CDH12: variants seen among roughly 807,000 people sequenced by gnomAD.
CDH12 encodes cadherin 12, also known as cadherin-12.
A neutral mutation model predicts 74.1 loss-of-function variants in CDH12; 41 were observed. The ratio of observed to expected loss-of-function variants is 0.55; its 90% CI spans 0.43 to 0.72. The LOEUF is 0.72. Ranked by LOEUF, CDH12 falls within the 30% of genes least tolerant of loss-of-function variation. CDH12 has a pLI of 0.00. For missense variants in CDH12, 945 were observed against 977.2 expected (o/e 0.97, Z 0.44); for synonymous variants, 399 against 355.0 (o/e 1.12, Z -1.39).
At chr5:22,666,591 T>C (rs1740637902) in intron 1 of CDH12, among the ~76,000 whole-genome samples, 1 of 151,866 alleles carries the variant, frequency 6.6e-6, no homozygotes, top group African/African-American at 2.4e-5. Context: ...CGCCCGGCCC[T>C]CTCTATCTTA....
At chr5:22,203,527 G>A (rs1751036841) in intron 4 of CDH12, among the ~76,000 whole-genome samples, 1 of 152,116 alleles carries the variant, frequency 6.6e-6, no homozygotes, top group African/African-American at 2.4e-5. Context: ...CCATATCTTG[G>A]CTGTTGTACA....
intron 3 of CDH12, among the ~76,000 whole-genome samples, chr5:22,296,992 CT>C (rs1282549784): frequency 3.2e-5 from 1 of 31,364 alleles, no homozygotes; most frequent in African/African-American, 8.0e-5. Context: ...TTCTTTCTTT[CT>C]TTTTTAATTG....
At chr5:22,809,061 A>G (rs1298832871) in intron 1 of CDH12, among the ~76,000 whole-genome samples, 2 of 151,982 alleles carry the variant, frequency 1.3e-5, no homozygotes, top group Non-Finnish European at 2.9e-5. Context: ...ATAATGTAAG[A>G]TAAATTATTC....
chr5:22,491,439 T>A (rs886351237), intron 2 of CDH12, among the ~76,000 whole-genome samples: 5 of 151,926 alleles, frequency 3.3e-5, no homozygotes, highest in African/African-American at 1.2e-4. Context: ...TGTTGTATGT[T>A]ACAAAAATTC....
At chr5:22,023,171 G>A (rs1738102120) in intron 5 of CDH12, among the ~76,000 whole-genome samples, 1 of 152,044 alleles carries the variant, frequency 6.6e-6, no homozygotes, top group African/African-American at 2.4e-5. Flanking sequence ...CAACCACACT[G>A]AGTATTCACA....
chr5:22,315,985 A>G (rs1738618321), intron 3 of CDH12, among the ~76,000 whole-genome samples: 1 of 151,982 alleles, frequency 6.6e-6, no homozygotes, highest in Non-Finnish European at 1.5e-5. Context: ...CAGCCAGCTA[A>G]CGGGAACGTT....
At chr5:22,554,599 A>G (rs1325452611) in intron 1 of CDH12, among the ~76,000 whole-genome samples, 1 of 152,078 alleles carries the variant, frequency 6.6e-6, no homozygotes, top group Non-Finnish European at 1.5e-5. Context: ...AATATCTAAA[A>G]CTACTGGTGA....
chr5:21,920,165 A>C (rs570461598), intron 6 of CDH12, among the ~76,000 whole-genome samples: 92 of 152,352 alleles, frequency 6.0e-4, no homozygotes, highest in Non-Finnish European at 1.1e-3. Flanking sequence ...ATAGAGACCA[A>C]CAATGCCCAG....
intron 5 of CDH12, among the ~76,000 whole-genome samples, chr5:22,010,655 G>C (rs1339407031): frequency 6.6e-6 from 1 of 152,090 alleles, no homozygotes; most frequent in East Asian, 1.9e-4. Context: ...TAAGGATACA[G>C]AATTGTCTGA....
chr5:22,145,800 A>G (rs1430096565), intron 4 of CDH12, among the ~76,000 whole-genome samples: 1 of 152,090 alleles, frequency 6.6e-6, no homozygotes, highest in Non-Finnish European at 1.5e-5. Context: ...GCACTGATGA[A>G]GGAGTGAATT....
intron 5 of CDH12, among the ~76,000 whole-genome samples, chr5:22,015,157 T>C (rs1271786484): frequency 2.0e-5 from 3 of 152,200 alleles, no homozygotes; most frequent in Non-Finnish European, 2.9e-5. Flanking sequence ...GTTGATTTTG[T>C]TTAATTAGGA....
intron 4 of CDH12, among the ~76,000 whole-genome samples, chr5:22,145,243 T>C (rs1278449732): frequency 6.6e-6 from 1 of 152,142 alleles, no homozygotes; most frequent in African/African-American, 2.4e-5. Context: ...TATATATCTG[T>C]GTATGTGTGC....
chr5:21,774,248 A>C (rs934075879), intron 11 of CDH12, among the ~76,000 whole-genome samples: 1 of 152,258 alleles, frequency 6.6e-6, no homozygotes, highest in East Asian at 1.9e-4. Context: ...ACGTGGAAGG[A>C]ATAAGCTCAC....
rs752096773 is a variant in CDH12, at chr5:22,287,339, G to GA, written c.-332-74697dup. ...ATACTATATTTGTTAAGGTAGCTCA[G>GA]AAAGAAGTTTAAATTTGATAATATA... is the stretch of plus-strand genomic sequence containing the variant. On this transcript the variant is annotated intron_variant, in intron 3 of 14. Transcript: ENST00000382254. 3.9e-5 allele frequency among the ~76,000 whole-genome samples: 6 copies of GA among 152,128 alleles called. No individual in the cohort carries two copies. The South Asian group carries it at 1.2e-3, about 32-fold the overall frequency.
At chr5:22,200,872 G>T (rs534751724) in intron 4 of CDH12, among the ~76,000 whole-genome samples, 1 of 152,192 alleles carries the variant, frequency 6.6e-6, no homozygotes, top group Non-Finnish European at 1.5e-5. Context: ...CATAGAACCT[G>T]CCATCAAAGA....
intron 3 of CDH12, among the ~76,000 whole-genome samples, chr5:22,234,507 A>C (rs1241047252): frequency 6.6e-6 from 1 of 151,780 alleles, no homozygotes; most frequent in Non-Finnish European, 1.5e-5. Flanking sequence ...AGGCCTCCCC[A>C]GCCATGTGGA....
rs554438721 is a variant in CDH12, at chr5:22,156,355, T to A, written c.-187+56143A>T. ...TGAGAAAAAATATGAAAAGGAGAAT[T>A]AATAGAGATTTCTCAAAATTTAATG... is the stretch of plus-strand genomic sequence containing the variant. On this transcript the variant is annotated intron_variant, in intron 4 of 14. Transcript: ENST00000382254. 6.0e-4 allele frequency among the ~76,000 whole-genome samples: 91 copies of A among 152,248 alleles called. 1 individual carries two copies. The highest frequency in any genetic ancestry group is 5.0e-3 in the Admixed American group (77 of 15,272).
intron 3 of CDH12, among the ~76,000 whole-genome samples, chr5:22,284,385 T>C (rs1737046450): frequency 6.6e-6 from 1 of 152,152 alleles, no homozygotes; most frequent in Non-Finnish European, 1.5e-5. Context: ...CAGGATGTTA[T>C]CCAGGTCTGT....
chr5:22,207,829 G>A (rs1751300970), intron 4 of CDH12, among the ~76,000 whole-genome samples: 1 of 152,166 alleles, frequency 6.6e-6, no homozygotes, highest in African/African-American at 2.4e-5. Context: ...AGATCCACGT[G>A]TTCATTGTTG....
Sources: gnomAD v4.1 joint callset for allele counts (sites outside exome capture counted in the v4.1 genomes callset) on GRCh38, gnomAD v4.1.1 for gene constraint, MANE v1.5 for transcripts, NCBI Gene and HGNC (gene_info 2026-07-23, HGNC 2026-07-21) for gene names.